Variants in NCOA2 observed in about 807,000 individuals in gnomAD.
NCOA2 encodes the protein class E basic helix-loop-helix protein 75.
Under a neutral mutation model 145.1 loss-of-function variants are expected in NCOA2, and 21 were observed. The observed-to-expected ratio is 0.14, with a 90% confidence interval of 0.10 to 0.21. NCOA2 has a LOEUF of 0.21. Among genes scored for constraint, NCOA2 ranks in the 10% least tolerant of loss-of-function variants. The pLI, the probability that NCOA2 is intolerant of heterozygous loss-of-function variation, is 1.00. For synonymous variants in NCOA2, 619 were observed against 637.5 expected (o/e 0.97, Z 0.44); for missense variants, 1,472 against 1,837.6 (o/e 0.80, Z 3.64).
At chr8:70,426,657 A>T in the NCOA2 span, among the ~76,000 whole-genome samples, 1 of 152,170 alleles carries the variant, frequency 6.6e-6, no homozygotes, top group Non-Finnish European at 1.5e-5. Context: ...TCTATGTCTT[A>T]TGCATCTGTT....
chr8:70,136,536 C>A (rs181043122), intron 15 of NCOA2, among the ~76,000 whole-genome samples: 1 of 142,994 alleles, frequency 7.0e-6, no homozygotes, highest in African/African-American at 2.8e-5. Flanking sequence ...CTTTTATATA[C>A]CAGATGAATG....
intron 2 of NCOA2, among the ~76,000 whole-genome samples, chr8:70,284,497 T>G (rs528532444): frequency 6.6e-6 from 1 of 152,336 alleles, no homozygotes; most frequent in South Asian, 2.1e-4. Flanking sequence ...CTCATGATAC[T>G]CATTTGTTCC....
intron 1 of NCOA2, among the ~76,000 whole-genome samples, chr8:70,326,654 A>T (rs1249779608): frequency 6.6e-6 from 1 of 152,216 alleles, no homozygotes; most frequent in Non-Finnish European, 1.5e-5. Context: ...CACGGCCTCC[A>T]GTGATCCAGT....
intron 1 of NCOA2, among the ~76,000 whole-genome samples, chr8:70,313,184 G>T (rs1202936735): frequency 1.3e-5 from 2 of 152,076 alleles, no homozygotes; most frequent in Non-Finnish European, 2.9e-5. Flanking sequence ...TTATAAAATA[G>T]CAAATGATGA....
At position 70,296,679 on chromosome 8, in the gene NCOA2, A is replaced by G. The variant is rs1827113192; in HGVS notation, c.-20+65T>C. 4 of 152,314 alleles carry G rather than the reference A, an allele frequency of 2.6e-5. No individual in the cohort carries two copies. The South Asian group carries it at 6.2e-4, about 24-fold the overall frequency. The allele number at this position is 152,314 out of a possible 1,614,324, so 9.4% of individuals were successfully genotyped here. A position where few individuals can be genotyped will look rare whatever the true frequency, so the allele number is the denominator to read the frequency against. ...ATTTACATATTTTCCTAAACTATAT[A>G]AAGAATTTTAAAATTTTAATTAAAT... On this transcript the variant is annotated intron_variant, in intron 2 of 22. Coordinates refer to ENST00000452400, the MANE Select transcript of NCOA2 (RefSeq NM_006540.4).
chr8:70,353,395 G>A (rs1809413643), intron 1 of NCOA2, among the ~76,000 whole-genome samples: 2 of 149,906 alleles, frequency 1.3e-5, no homozygotes, highest in Middle Eastern at 6.8e-3. Flanking sequence ...GATTAAAGGG[G>A]GGTGCCACCA....
At chr8:70,209,569 C>T (rs935802855) in intron 4 of NCOA2, among the ~76,000 whole-genome samples, 2 of 152,090 alleles carry the variant, frequency 1.3e-5, no homozygotes, top group Admixed American at 1.3e-4. Context: ...TCGTTATAGC[C>T]ACCCCAGCCT....
At chr8:70,178,578 T>C (rs1585976389) in intron 4 of NCOA2, among the ~76,000 whole-genome samples, 1 of 152,164 alleles carries the variant, frequency 6.6e-6, no homozygotes, top group Non-Finnish European at 1.5e-5. Context: ...GCACTGTCTG[T>C]GCAGGGGAAG....
intron 1 of NCOA2, among the ~76,000 whole-genome samples, chr8:70,303,734 G>C (rs1029299949): frequency 2.0e-5 from 3 of 152,104 alleles, no homozygotes; most frequent in African/African-American, 4.8e-5. Flanking sequence ...AGAAGTCCTA[G>C]GGCTTTTATT....
intron 2 of NCOA2, among the ~76,000 whole-genome samples, chr8:70,224,664 A>G (rs1360425973): frequency 6.6e-6 from 1 of 152,118 alleles, no homozygotes; most frequent in Non-Finnish European, 1.5e-5. Flanking sequence ...TGTGTCCTAT[A>G]CACCCATTTG....
chr8:70,216,613 T>C (rs1039991880), intron 3 of NCOA2, 47 bp downstream of exon 3: 3 of 1,441,604 alleles, frequency 2.1e-6, no homozygotes, highest in African/African-American at 1.4e-5. Flanking sequence ...AGCACTCATG[T>C]GGCTTTAACA....
chr8:70,193,062 A>AT lies in NCOA2; in HGVS notation c.260-18204dup, dbSNP rs1265944928. 7.3e-5 allele frequency among the ~76,000 whole-genome samples: 5 copies of AT among 68,824 alleles called. No homozygotes were observed. The South Asian group carries it at 1.3e-3, about 19-fold the overall frequency. The allele number at this position is 68,824 out of a possible 152,430, so 45.2% of individuals were successfully genotyped here. ...AGCCTGGGCGACAGAGCGAGACTCT[A>AT]TTAAAAAAAAAAAAAAAAAAAAAAA... is the stretch of plus-strand genomic sequence containing the variant. On this transcript the variant is annotated intron_variant, in intron 4 of 22. Coordinates refer to ENST00000452400, the MANE Select transcript of NCOA2 (RefSeq NM_006540.4).
intron 1 of NCOA2, among the ~76,000 whole-genome samples, chr8:70,359,651 C>CA (rs1352696393): frequency 1.3e-5 from 2 of 152,040 alleles, no homozygotes; most frequent in Non-Finnish European, 2.9e-5. Context: ...GTGGTGGTTA[C>CA]AAAATATTAT....
At chr8:70,257,695 A>G (rs1394060296) in intron 2 of NCOA2, among the ~76,000 whole-genome samples, 1 of 151,574 alleles carries the variant, frequency 6.6e-6, no homozygotes, top group Admixed American at 6.6e-5. Context: ...TGAGAACCAC[A>G]CAGAGACTAT....
At chr8:70,442,127 G>GA in the NCOA2 span, among the ~76,000 whole-genome samples, 1 of 121,460 alleles carries the variant, frequency 8.2e-6, no homozygotes, top group African/African-American at 4.4e-5. Context: ...AAGAAAGAAA[G>GA]AAAGAAAGAA....
intron 1 of NCOA2, among the ~76,000 whole-genome samples, chr8:70,365,449 T>C (rs1810607790): frequency 6.6e-6 from 1 of 152,222 alleles, no homozygotes; most frequent in Admixed American, 6.5e-5. Context: ...GGAATCTACA[T>C]ATAGCCAAAT....
chr8:70,165,292 A>T (rs534919754), intron 7 of NCOA2, among the ~76,000 whole-genome samples: 1 of 152,354 alleles, frequency 6.6e-6, no homozygotes, highest in African/African-American at 2.4e-5. Flanking sequence ...ATTTTAAAAT[A>T]AGCATTAAAT....
intron 1 of NCOA2, among the ~76,000 whole-genome samples, chr8:70,389,639 T>C (rs191720771): frequency 6.6e-6 from 1 of 151,740 alleles, no homozygotes; most frequent in Non-Finnish European, 1.5e-5. Context: ...ACAAGGAGAA[T>C]GTCATCAAGT....
intron 1 of NCOA2, among the ~76,000 whole-genome samples, chr8:70,398,750 T>A (rs62530512): frequency 0.24 from 35,832 of 152,160 alleles, 5,140 homozygotes; most frequent in Admixed American, 0.36. Context: ...TCCCTTGTCA[T>A]TTAATTCTTC....
Sources: gnomAD v4.1 joint callset for allele counts (sites outside exome capture counted in the v4.1 genomes callset) on GRCh38, gnomAD v4.1.1 for gene constraint, MANE v1.5 for transcripts, NCBI Gene and HGNC (gene_info 2026-07-23, HGNC 2026-07-21) for gene names.